ADAM18: variants seen among roughly 807,000 people sequenced by gnomAD.
ADAM18 encodes the protein disintegrin and metalloproteinase domain-containing protein 18.
ADAM18 carries 117 observed loss-of-function variants against 94.4 expected under a neutral mutation model. That is an observed-to-expected ratio of 1.24 (90% confidence interval 1.07 to 1.45). ADAM18 has a LOEUF of 1.45. Ranked by LOEUF, ADAM18 falls within the 40% of genes most tolerant of loss-of-function variation. ADAM18 has a pLI of 0.00. For missense variants in ADAM18, 936 were observed against 880.0 expected (o/e 1.06, Z -0.81); for synonymous variants, 327 against 291.6 (o/e 1.12, Z -1.24).
chr8:39,584,788 C>G, intron 1 of ADAM18, 111 bp downstream of exon 1: 1 of 1,279,962 alleles, frequency 7.8e-7, no homozygotes, highest in South Asian at 1.2e-5. Flanking sequence ...CTTCTGGGAT[C>G]CCATGCTGGT....
intron 18 of ADAM18, among the ~76,000 whole-genome samples, chr8:39,718,797 G>A (rs1822657576): frequency 1.1e-5 from 1 of 94,944 alleles, no homozygotes; most frequent in Non-Finnish European, 2.8e-5. Context: ...GAAAATGTGA[G>A]ATTGTGCACT....
At chr8:39,611,683 A>C in intron 6 of ADAM18, 2 of 791,498 alleles carry the variant, frequency 2.5e-6, no homozygotes, top group Non-Finnish European at 3.1e-6. Flanking sequence ...TTTATGGAAT[A>C]CATCAAAAAG....
intron 6 of ADAM18, among the ~76,000 whole-genome samples, chr8:39,615,796 T>C (rs1483033067): frequency 1.3e-5 from 2 of 152,200 alleles, no homozygotes; most frequent in Non-Finnish European, 2.9e-5. Flanking sequence ...TATGATTTTA[T>C]ACCTTGAAAA....
In ADAM18 at chr8:39,593,876, T is replaced by G. The variant is rs1014541763; in HGVS notation, c.132+8524T>G. Among the ~76,000 whole-genome samples, 82 of 152,304 alleles carry G rather than the reference T, an allele frequency of 5.4e-4. 1 individual carries two copies. Among genetic ancestry groups the G allele is most frequent in the Admixed American group, 5.3e-3 (81 of 15,296 alleles). ...ACATGATAAGTTTTCTTCAATATTA[T>G]TGCTTTCAGCCAGCCTAGGCAATTG... is the stretch of plus-strand genomic sequence containing the variant. On this transcript the variant is annotated intron_variant, in intron 2 of 19. Transcript: ENST00000265707.
intron 2 of ADAM18, among the ~76,000 whole-genome samples, 163 bp from the exon 3 acceptor site, chr8:39,606,144 T>C (rs1269348152): frequency 6.6e-6 from 1 of 152,180 alleles, no homozygotes. Flanking sequence ...ACATTGTTCC[T>C]GAATTTATTA....
chr8:39,722,409 G>T (rs927382896), intron 18 of ADAM18, among the ~76,000 whole-genome samples: 2 of 150,970 alleles, frequency 1.3e-5, no homozygotes, highest in Non-Finnish European at 3.0e-5. Context: ...TAACCTAAGT[G>T]AAATAACTCA....
At chr8:39,685,919 A>T (rs375981418) in intron 16 of ADAM18, among the ~76,000 whole-genome samples, 10 of 152,110 alleles carry the variant, frequency 6.6e-5, no homozygotes, top group African/African-American at 2.2e-4. Flanking sequence ...TATAACAAAG[A>T]TCGTCTTTCC....
chr8:39,694,622 A>C (rs946521247), intron 17 of ADAM18, among the ~76,000 whole-genome samples: 2 of 151,488 alleles, frequency 1.3e-5, no homozygotes, highest in African/African-American at 4.8e-5. Flanking sequence ...CATTTTTCAG[A>C]GCAACGTTTG....
chr8:39,710,992 C>T (rs987818289), intron 18 of ADAM18, among the ~76,000 whole-genome samples: 1 of 152,146 alleles, frequency 6.6e-6, no homozygotes, highest in East Asian at 1.9e-4. Context: ...AGTGTAAAAG[C>T]AGTGCTCCAG....
intron 12 of ADAM18, among the ~76,000 whole-genome samples, chr8:39,656,920 T>C (rs1362638021): frequency 1.3e-5 from 2 of 152,200 alleles, no homozygotes; most frequent in African/African-American, 2.4e-5. Flanking sequence ...TAAGTAGCTA[T>C]TAGGCACTAC....
intron 12 of ADAM18, among the ~76,000 whole-genome samples, chr8:39,650,386 A>T (rs1201643795): frequency 6.6e-6 from 1 of 152,228 alleles, no homozygotes; most frequent in African/African-American, 2.4e-5. Context: ...TTGATCATAT[A>T]TATAGAAAAC....
rs180897663 is a variant in ADAM18, at chr8:39,713,365, A to G, written c.2017+6461A>G. 3.4e-3 allele frequency among the ~76,000 whole-genome samples: 513 copies of G among 152,360 alleles called. 3 individuals carry two copies. Among genetic ancestry groups the G allele is most frequent in the Non-Finnish European group, 5.6e-3 (384 of 68,032 alleles). On this transcript the variant is annotated intron_variant, in intron 18 of 19. Transcript: ENST00000265707. The stretch of plus-strand genomic sequence containing the variant: ...GAAGAAAACCTAGGCAATACCATTC[A>G]GGACATAGGCATGGGCAAGGACTTC...
intron 15 of ADAM18, among the ~76,000 whole-genome samples, chr8:39,678,147 G>A (rs1192243254): frequency 1.3e-5 from 2 of 152,052 alleles, no homozygotes; most frequent in Non-Finnish European, 2.9e-5. Flanking sequence ...GTGTAACAGA[G>A]CCAGATTCAC....
chr8:39,630,925 G>A lies in ADAM18; in HGVS notation c.588+1486G>A, dbSNP rs567286392. 2.6e-5 allele frequency among the ~76,000 whole-genome samples: 4 copies of A among 152,106 alleles called. No homozygotes were observed. In the East Asian group the frequency reaches 7.7e-4, roughly 29 times the overall value. On this transcript the variant is annotated intron_variant, in intron 7 of 19. Transcript: ENST00000265707. ...ACTTTTAAAAATCTTAGCCATTTTA[G>A]TGGATATATAGTGATATCATATGGT...
At chr8:39,646,777 C>T (rs1820391565) in intron 11 of ADAM18, among the ~76,000 whole-genome samples, 1 of 151,994 alleles carries the variant, frequency 6.6e-6, no homozygotes. Flanking sequence ...CTCCCCGGGA[C>T]TTATATTTTA....
intron 6 of ADAM18, among the ~76,000 whole-genome samples, chr8:39,623,637 C>T (rs1205606338): frequency 1.3e-5 from 2 of 152,074 alleles, no homozygotes; most frequent in Admixed American, 6.5e-5. Context: ...CGCTCTGTCG[C>T]CCAGGCTGGA....
Position 39,663,813 on chromosome 8 carries a change from T to C in ADAM18, c.1249T>C (p.Cys417Arg). The C allele has an allele frequency of 6.2e-7, 1 of 1,611,884 alleles. No individual in the cohort carries two copies. The highest frequency in any genetic ancestry group is 8.5e-7 in the Non-Finnish European group (1 of 1,179,194). Residue 417 changes from cysteine to arginine, a missense_variant, in exon 13 of 20, where the codon TGC becomes CGC. By Grantham distance (180) the Cys-to-Arg change is radical. Coordinates refer to ENST00000265707, the MANE Select transcript of ADAM18 (RefSeq NM_014237.3). ...ATTTTAGGAATGTCAATTTAAGAAG[T>C]GCTGTGATTATAACACATGTAAACT... ...GNKNECQFKK[C>R]CDYNTCKLKG...
At position 39,663,738 on chromosome 8, in the gene ADAM18, A is replaced by G. The variant is rs1333430083; in HGVS notation, c.1231-57A>G. ...ATATTAAATTGAAATTGAGATTAAG[A>G]AACAAGAGCTTTTAAGTGGTTAAAC... On this transcript the variant is annotated intron_variant, in intron 12 of 19. Transcript: ENST00000265707. The G allele has an allele frequency of 1.4e-5, 16 of 1,142,402 alleles. No individual in the cohort carries two copies. In the East Asian group the frequency reaches 3.1e-4, roughly 22 times the overall value. 70.8% of individuals were successfully genotyped at this position (1,142,402 alleles called of 1,614,324 possible).
At chr8:39,715,172 G>C (rs193136832) in intron 18 of ADAM18, among the ~76,000 whole-genome samples, 77 of 152,090 alleles carry the variant, frequency 5.1e-4, no homozygotes, top group African/African-American at 1.8e-3. Flanking sequence ...GTAACAAAAA[G>C]AGAACTGTAA....
Sources: gnomAD v4.1 joint callset for allele counts (sites outside exome capture counted in the v4.1 genomes callset) on GRCh38, gnomAD v4.1.1 for gene constraint, MANE v1.5 for transcripts, NCBI Gene and HGNC (gene_info 2026-07-23, HGNC 2026-07-21) for gene names.